GNAI1: variants seen among roughly 807,000 people sequenced by gnomAD.
GNAI1 encodes guanine nucleotide-binding protein G(i) subunit alpha-1.
A neutral mutation model predicts 38.9 loss-of-function variants in GNAI1; 11 were observed. That is an observed-to-expected ratio of 0.28 (90% confidence interval 0.18 to 0.47). The LOEUF (loss-of-function observed/expected upper bound fraction) is 0.47, where lower values mean the gene tolerates loss of function less well. Among genes scored for constraint, GNAI1 ranks in the 20% least tolerant of loss-of-function variants. The pLI is 0.99. For synonymous variants in GNAI1, 166 were observed against 145.1 expected (o/e 1.14, Z -1.04); for missense variants, 317 against 436.9 (o/e 0.73, Z 2.45).
intron 1 of GNAI1, among the ~76,000 whole-genome samples, chr7:80,159,664 T>G (rs1787884045): frequency 6.6e-6 from 1 of 152,228 alleles, no homozygotes; most frequent in Admixed American, 6.5e-5. Flanking sequence ...TATTCGTTGT[T>G]TCCTGTTTGG....
chr7:80,162,560 T>C lies in GNAI1; in HGVS notation c.119-26391T>C, dbSNP rs369423386. On this transcript the variant is annotated intron_variant, in intron 1 of 7. Coordinates refer to ENST00000649796, the MANE Select transcript of GNAI1 (RefSeq NM_002069.6). ...TGGCTTTGTTGCTGCACAAGCAAAA[T>C]CAGCTGAATTCTTTTCAGCTTTATA... is the stretch of plus-strand genomic sequence containing the variant. Among the ~76,000 whole-genome samples the C allele has an allele frequency of 1.4e-4, 21 of 152,308 alleles. No individual in the cohort carries two copies. The South Asian group carries it at 1.7e-3, about 12-fold the overall frequency.
chr7:80,184,988 C>G (rs1239016829), intron 1 of GNAI1, among the ~76,000 whole-genome samples: 2 of 152,110 alleles, frequency 1.3e-5, no homozygotes, highest in Non-Finnish European at 2.9e-5. Flanking sequence ...AATGGTCACG[C>G]ACTTTGATCT....
chr7:80,199,257 A>G lies in GNAI1; in HGVS notation c.336A>G (p.Gly112=), dbSNP rs6970347. The G allele has an allele frequency of 3.6e-3, 5,751 of 1,613,048 alleles. 168 individuals carry two copies. In the African/African-American group the frequency reaches 0.067, roughly 19 times the overall value. ...DDARQLFVLA[G]AAEEGFMTAE... is the part of the protein sequence containing the mutation. Reference sequence around the variant, plus strand: ...CACGCCAACTCTTTGTGCTAGCTGGAGCTGCTGAAGAAGGCTTTATGACTG... The same window carrying G: ...CACGCCAACTCTTTGTGCTAGCTGGGGCTGCTGAAGAAGGCTTTATGACTG... Residue 112 remains glycine (G), a synonymous_variant, in exon 4 of 8, where the codon GGA becomes GGG. Transcript: ENST00000649796.
chr7:80,213,418 G>A (rs1275494817), intron 7 of GNAI1, among the ~76,000 whole-genome samples: 5 of 152,284 alleles, frequency 3.3e-5, no homozygotes, highest in African/African-American at 1.2e-4. Flanking sequence ...AAAATTCCCT[G>A]GAGTGAGGAA....
chr7:80,220,806 C>CT lies in GNAI1; in HGVS notation c.*3314dup, dbSNP rs1457230408. Among the ~76,000 whole-genome samples the CT allele has an allele frequency of 5.9e-5, 9 of 152,194 alleles. No individual in the cohort carries two copies. Among genetic ancestry groups the CT allele is most frequent in the Admixed American group, 5.9e-4 (9 of 15,280 alleles). ...AAACCTAGAGCTTCTGACTCCATGT[C>CT]TGTCAGAGGACCCCAAAGATGCTAC... On this transcript the variant is annotated 3_prime_UTR_variant, in exon 8 of 8. Coordinates refer to ENST00000649796, the MANE Select transcript of GNAI1 (RefSeq NM_002069.6).
chr7:80,188,099 A>T (rs576296616), intron 1 of GNAI1, among the ~76,000 whole-genome samples: 19 of 152,350 alleles, frequency 1.2e-4, no homozygotes, highest in African/African-American at 4.3e-4. Context: ...ATTTTTGTCC[A>T]GCACAACACT....
chr7:80,151,882 G>A (rs1787733417), intron 1 of GNAI1, among the ~76,000 whole-genome samples: 1 of 152,180 alleles, frequency 6.6e-6, no homozygotes, highest in African/African-American at 2.4e-5. Flanking sequence ...TAAATGCTAG[G>A]GGGTGTGATT....
At chr7:80,135,526 T>G (rs919664611) in intron 1 of GNAI1, 1 of 388,470 alleles carries the variant, frequency 2.6e-6, no homozygotes. Flanking sequence ...GATGCTTTCG[T>G]GCGACCCAGC....
intron 1 of GNAI1, among the ~76,000 whole-genome samples, chr7:80,140,728 C>CA (rs201313347): frequency 6.6e-6 from 1 of 152,186 alleles, no homozygotes; most frequent in East Asian, 1.9e-4. Context: ...GGAAATAGGG[C>CA]AAAAAATTTT....
chr7:80,206,717 C>T (rs578138345), intron 5 of GNAI1, among the ~76,000 whole-genome samples: 8 of 152,054 alleles, frequency 5.3e-5, no homozygotes, highest in South Asian at 2.1e-4. Flanking sequence ...CGAGGGGATA[C>T]GTTCCAAGAC....
Position 80,211,038 on chromosome 7 carries a change from G to A in GNAI1, c.660G>A (p.Ala220=), listed in dbSNP as rs528240663. 5.6e-6 allele frequency: 9 copies of A among 1,613,098 alleles called. No homozygotes were observed. The highest frequency in any genetic ancestry group is 2.2e-5 in the East Asian group (1 of 44,864). Residue 220 remains alanine (A), a synonymous_variant, in exon 6 of 8, where the codon GCG becomes GCA. Transcript: ENST00000649796. Reference sequence around the variant, plus strand: ...TTCATTGCTTCGAAGGAGTGACGGCGATCATCTTCTGTGTAGCACTGAGTG... The same window carrying A: ...TTCATTGCTTCGAAGGAGTGACGGCAATCATCTTCTGTGTAGCACTGAGTG... ...KWIHCFEGVT[A]IIFCVALSDY...
In GNAI1 at chr7:80,225,564, T is replaced by G. The variant is rs967003385; in HGVS notation, c.*8071T>G. Among the ~76,000 whole-genome samples, 3 of 152,204 alleles carry G rather than the reference T, an allele frequency of 2.0e-5. No individual in the cohort carries two copies. Among genetic ancestry groups the G allele is most frequent in the African/African-American group, 7.2e-5 (3 of 41,448 alleles). ...GAGCACAGTCATGCATTAAAAAAGC[T>G]TCTGAACTTATTTTGGAAAGAGTAG... On this transcript the variant is annotated 3_prime_UTR_variant, in exon 8 of 8. Coordinates refer to ENST00000649796, the MANE Select transcript of GNAI1 (RefSeq NM_002069.6).
chr7:80,174,873 C>A (rs73378663), intron 1 of GNAI1, among the ~76,000 whole-genome samples: 4,131 of 152,210 alleles, frequency 0.027, 105 homozygotes, highest in African/African-American at 0.072. Context: ...TGATTCTTCA[C>A]TACTGTGCAC....
At chr7:80,153,376 A>G (rs528201601) in intron 1 of GNAI1, among the ~76,000 whole-genome samples, 1 of 152,152 alleles carries the variant, frequency 6.6e-6, no homozygotes, top group Non-Finnish European at 1.5e-5. Context: ...TATTTTTCTA[A>G]TAACTTTTAA....
intron 1 of GNAI1, among the ~76,000 whole-genome samples, chr7:80,186,126 G>A (rs554475730): frequency 2.9e-4 from 42 of 143,598 alleles, no homozygotes; most frequent in East Asian, 2.7e-3. Context: ...TCTGCCTCCC[G>A]GGTTCAAGCA....
chr7:80,136,171 T>A, intron 1 of GNAI1: 1 of 406,274 alleles, frequency 2.5e-6, no homozygotes. Context: ...AAATAAAGAG[T>A]AAACCAGGGT....
At chr7:80,146,132 G>T (rs1180319545) in intron 1 of GNAI1, among the ~76,000 whole-genome samples, 6 of 152,070 alleles carry the variant, frequency 3.9e-5, no homozygotes, top group Non-Finnish European at 7.4e-5. Flanking sequence ...AGGCCCCACT[G>T]CCTTTAGCAG....
At chr7:80,193,420 A>G (rs1788514657) in intron 3 of GNAI1, among the ~76,000 whole-genome samples, 1 of 152,240 alleles carries the variant, frequency 6.6e-6, no homozygotes, top group African/African-American at 2.4e-5. Context: ...TAAAATGAGA[A>G]GAAATAAAAT....
intron 7 of GNAI1, among the ~76,000 whole-genome samples, chr7:80,215,059 T>C (rs1342181714): frequency 6.6e-6 from 1 of 152,166 alleles, no homozygotes; most frequent in Non-Finnish European, 1.5e-5. Flanking sequence ...CTCTTCTCTT[T>C]CCCTTTTGAT....
Sources: allele counts gnomAD v4.1 joint callset (sites outside exome capture counted in the v4.1 genomes callset), GRCh38; gene constraint gnomAD v4.1.1; transcripts MANE v1.5; gene names NCBI Gene and HGNC (gene_info 2026-07-23, HGNC 2026-07-21).